NIPSNAP3B: variants seen among roughly 807,000 people sequenced by gnomAD.
The protein encoded by NIPSNAP3B is protein NipSnap homolog 3B.
In NIPSNAP3B, 30 loss-of-function variants were observed where a neutral mutation model predicts 31.5. The observed-to-expected ratio is 0.95, with a 90% CI of 0.71 to 1.29. The LOEUF is 1.29. Among genes scored for constraint, NIPSNAP3B ranks in the 50% most tolerant of loss-of-function variants. NIPSNAP3B has a pLI of 0.00. For synonymous variants in NIPSNAP3B, 106 were observed against 107.9 expected (o/e 0.98, Z 0.11); for missense variants, 269 against 300.7 (o/e 0.89, Z 0.78).
intron 4 of NIPSNAP3B, among the ~76,000 whole-genome samples, chr9:104,772,344 G>A (rs1588169258): frequency 6.6e-6 from 1 of 151,084 alleles, no homozygotes; most frequent in East Asian, 1.9e-4. Flanking sequence ...TCACATTGTT[G>A]CAGCATTTTA....
At chr9:104,787,608 C>T in the NIPSNAP3B span, among the ~76,000 whole-genome samples, 1 of 152,212 alleles carries the variant, frequency 6.6e-6, no homozygotes, top group Non-Finnish European at 1.5e-5. Flanking sequence ...CCACACTCTT[C>T]ATTTTCAGGG....
chr9:104,770,238 C>T (rs1828184907), intron 3 of NIPSNAP3B, among the ~76,000 whole-genome samples: 1 of 152,098 alleles, frequency 6.6e-6, no homozygotes, highest in African/African-American at 2.4e-5. Flanking sequence ...TTTCTCTCCA[C>T]CCATCTTATA....
Position 104,776,632 on chromosome 9 carries a change from G to C in NIPSNAP3B, c.*3559G>C, listed in dbSNP as rs56888257. 0.056 allele frequency among the ~76,000 whole-genome samples: 8,535 copies of C among 152,040 alleles called. 706 individuals carry two copies. The highest frequency in any genetic ancestry group is 0.18 in the African/African-American group (7,330 of 41,426). ...TGAGAAAGAAATGTTTGTTGTTTAA[G>C]CCACCCTGTCTATGGTACTCTTGTT... On this transcript the variant is annotated 3_prime_UTR_variant, in exon 6 of 6. Coordinates refer to ENST00000374762, the MANE Select transcript of NIPSNAP3B (RefSeq NM_018376.4).
the NIPSNAP3B span, chr9:104,785,695 A>G: frequency 1.4e-5 from 22 of 1,607,730 alleles, no homozygotes; most frequent in African/African-American, 2.7e-4. Flanking sequence ...ATTTAAAAGA[A>G]TACTGAACCC....
In NIPSNAP3B at chr9:104,775,059, G is replaced by T. The variant is rs567794060; in HGVS notation, c.*1986G>T. On this transcript the variant is annotated 3_prime_UTR_variant, in exon 6 of 6. Coordinates refer to ENST00000374762, the MANE Select transcript of NIPSNAP3B (RefSeq NM_018376.4). ...ATGAACCGCCCGTGCCCCAAGCAAAGACAAACCCTCCACTTGAACACTCAC... is the reference window on the plus strand; with the variant it reads ...ATGAACCGCCCGTGCCCCAAGCAAATACAAACCCTCCACTTGAACACTCAC... Among the ~76,000 whole-genome samples the T allele has an allele frequency of 3.9e-5, 6 of 152,052 alleles. No homozygotes were observed. The highest frequency in any genetic ancestry group is 1.3e-4 in the Admixed American group (2 of 15,276).
At chr9:104,784,293 C>T in the NIPSNAP3B span, 32 of 1,613,844 alleles carry the variant, frequency 2.0e-5, no homozygotes, top group Non-Finnish European at 2.5e-5. Flanking sequence ...TACTTTCAGC[C>T]ACCCCGTATG....
rs1828318031 is a variant in NIPSNAP3B, at chr9:104,775,569, A to G, written c.*2496A>G. Among the ~76,000 whole-genome samples, 2 of 152,066 alleles carry G rather than the reference A, an allele frequency of 1.3e-5. No individual in the cohort carries two copies. The highest frequency in any genetic ancestry group is 2.9e-5 in the Non-Finnish European group (2 of 68,004). ...CCCCAGTCTTGTGGCTTCAAATGCT[A>G]TCTGTGTGTGGATAGCTCCTCCAGT... On this transcript the variant is annotated 3_prime_UTR_variant, in exon 6 of 6. Transcript: ENST00000374762.
chr9:104,771,718 A>T (rs1368549125), intron 4 of NIPSNAP3B, among the ~76,000 whole-genome samples: 2 of 152,176 alleles, frequency 1.3e-5, no homozygotes, highest in African/African-American at 4.8e-5. Context: ...TGGTAAAATG[A>T]TTTATATTTC....
chr9:104,778,317 G>A (rs765940115), downstream of NIPSNAP3B, among the ~76,000 whole-genome samples: 21 of 151,806 alleles, frequency 1.4e-4, no homozygotes, highest in Non-Finnish European at 2.9e-4. Flanking sequence ...TGAAACCTCC[G>A]CCTCCCAGGT....
At chr9:104,765,252 T>G (rs1286854600) in intron 1 of NIPSNAP3B, among the ~76,000 whole-genome samples, 1 of 152,224 alleles carries the variant, frequency 6.6e-6, no homozygotes, top group Non-Finnish European at 1.5e-5. Context: ...ATTTGCATGT[T>G]GTAACCAAAA....
At chr9:104,772,208 G>GTTTTTTTTTTT (rs56851362) in intron 4 of NIPSNAP3B, among the ~76,000 whole-genome samples, 1 of 136,730 alleles carries the variant, frequency 7.3e-6, no homozygotes, top group African/African-American at 2.7e-5. Flanking sequence ...TTTTTTTTTT[G>GTTTTTTTTTTT]TTTTTTTTTT....
In NIPSNAP3B at chr9:104,777,580, T is replaced by C. The variant is rs1299681848; in HGVS notation, c.*4507T>C. ...AGTTTTTGAATCACAGGCTTCTGCC[T>C]TGAAAGGGCAAGTCCGTGGTGGTCA... On this transcript the variant is annotated 3_prime_UTR_variant, in exon 6 of 6. Transcript: ENST00000374762. 6.6e-6 allele frequency: 1 copy of C among 152,230 alleles called. No homozygotes were observed. Among genetic ancestry groups the C allele is most frequent in the African/African-American group, 2.4e-5 (1 of 41,454 alleles). 9.4% of individuals were successfully genotyped at this position (152,230 alleles called of 1,614,324 possible). A position where few individuals can be genotyped will look rare whatever the true frequency, so the allele number is the denominator to read the frequency against.
rs1359257149 is a variant in NIPSNAP3B at position 104,768,876 on chromosome 9, T to C, written c.285T>C (p.His95=). 6.2e-7 allele frequency: 1 copy of C among 1,600,502 alleles called. No individual in the cohort carries two copies. Among genetic ancestry groups the C allele is most frequent in the Admixed American group, 1.8e-5 (1 of 55,984 alleles). The change falls in exon 3 of 6, where the codon CAT becomes CAC. Residue 95 remains histidine, a synonymous_variant. Transcript: ENST00000374762. ...TTCCTCCCATAGATAATTTTGCTCA[T>C]CGAGCTGAAGTTCGGAAAGCCTTAG... ...FHIWKYDNFA[H]RAEVRKALAN... is the part of the protein sequence containing the mutation.
chr9:104,784,515 T>C, the NIPSNAP3B span: 2 of 1,602,700 alleles, frequency 1.2e-6, no homozygotes, highest in Non-Finnish European at 1.7e-6. Context: ...TTCTTTATTC[T>C]AGTTCTATTT....
At chr9:104,768,536 G>A (rs1054479929) in intron 2 of NIPSNAP3B, among the ~76,000 whole-genome samples, 17 of 152,192 alleles carry the variant, frequency 1.1e-4, no homozygotes, top group Admixed American at 6.5e-4. Flanking sequence ...GGAGGTAGAT[G>A]TTATACTATT....
the NIPSNAP3B span, chr9:104,785,487 G>A: frequency 3.7e-6 from 6 of 1,611,188 alleles, no homozygotes; most frequent in African/African-American, 2.7e-5. Context: ...GGCCAGAGAA[G>A]ATAATGAAGA....
the NIPSNAP3B span, chr9:104,786,251 T>A: frequency 7.0e-7 from 1 of 1,435,176 alleles, no homozygotes; most frequent in Non-Finnish European, 9.8e-7. Context: ...AGAATAAATA[T>A]CAAGCCTTCT....
At chr9:104,786,409 AG>A in the NIPSNAP3B span, 4 of 1,606,314 alleles carry the variant, frequency 2.5e-6, no homozygotes, top group Non-Finnish European at 3.4e-6. Context: ...AAACAGAAAG[AG>A]GTTTTAGTTT....
chr9:104,768,390 A>G (rs991923410), intron 2 of NIPSNAP3B, among the ~76,000 whole-genome samples: 3 of 152,218 alleles, frequency 2.0e-5, no homozygotes, highest in African/African-American at 7.2e-5. Flanking sequence ...ACCACCAAGG[A>G]AAAATAGTCT....
Sources: gnomAD v4.1 joint callset for allele counts (sites outside exome capture counted in the v4.1 genomes callset) on GRCh38, gnomAD v4.1.1 for gene constraint, MANE v1.5 for transcripts, NCBI Gene and HGNC (gene_info 2026-07-23, HGNC 2026-07-21) for gene names.